The following FAM149A variants were observed in gnomAD, a reference collection of about 807,000 sequenced individuals.
FAM149A encodes family with sequence similarity 149 member A.
FAM149A carries 71 observed loss-of-function variants against 78.2 expected under a neutral mutation model. The ratio of observed to expected loss-of-function variants is 0.91; its 90% CI spans 0.75 to 1.11. The LOEUF (loss-of-function observed/expected upper bound fraction) is 1.11. FAM149A is among the 50% of genes least tolerant of loss of function. The probability of loss-of-function intolerance (pLI) is 0.00; values close to 1 mark genes in which losing one functional copy is unlikely to be tolerated. For synonymous variants in FAM149A, 446 were observed against 410.5 expected (o/e 1.09, Z -1.04); for missense variants, 1,036 against 971.0 (o/e 1.07, Z -0.89).
rs138151397 is a variant in FAM149A, at chr4:186,157,661, C to T, written c.1517C>T (p.Pro506Leu). ...CACGCCGATGGAGCCAGTGGCCCCC[C>T]GTCCGGACACGCCGAGGCTCACGGC... The change falls in exon 8 of 14, where the codon CCG (proline) becomes CTG (leucine). Residue 506 changes from proline to leucine, a missense_variant. Around this residue, in one of 3 missense-constraint regions of FAM149A, gnomAD observed 716 missense variants for 711.8 expected, o/e 1.01. Coordinates refer to ENST00000389354, the MANE Select transcript of FAM149A (RefSeq NM_001367768.3). The T allele has an allele frequency of 6.9e-5, 111 of 1,613,970 alleles. No homozygotes were observed. Among genetic ancestry groups the T allele is most frequent in the South Asian group, 3.1e-4 (28 of 91,066 alleles).
intron 1 of FAM149A, chr4:186,126,901 A>G: frequency 1.0e-6 from 1 of 985,334 alleles, no homozygotes; most frequent in Non-Finnish European, 1.2e-6. Context: ...TGCTCTTTAT[A>G]AATGGGCGGT....
chr4:186,139,819 G>T (rs1464367590), intron 1 of FAM149A, among the ~76,000 whole-genome samples: 1 of 152,126 alleles, frequency 6.6e-6, no homozygotes, highest in Admixed American at 6.5e-5. Flanking sequence ...GTTTGTATTT[G>T]CAAAGCAAGG....
At chr4:186,131,683 A>G (rs1258044464) in intron 1 of FAM149A, among the ~76,000 whole-genome samples, 6 of 152,232 alleles carry the variant, frequency 3.9e-5, no homozygotes, top group Admixed American at 1.3e-4. Flanking sequence ...TACACATACA[A>G]AACAATTTCA....
At chr4:186,137,001 TCTC>T (rs1561396576) in intron 1 of FAM149A, among the ~76,000 whole-genome samples, 1 of 142,898 alleles carries the variant, frequency 7.0e-6, no homozygotes, top group African/African-American at 2.6e-5. Flanking sequence ...TCTCTCTCTC[TCTC>T]TCTCTCTCTC....
intron 1 of FAM149A, chr4:186,110,199 T>C: frequency 1.0e-6 from 1 of 985,430 alleles, no homozygotes; most frequent in Non-Finnish European, 1.2e-6. Flanking sequence ...TATAATCCAC[T>C]GTCATGGGTT....
chr4:186,117,348 A>C, intron 1 of FAM149A: 9 of 795,120 alleles, frequency 1.1e-5, no homozygotes, highest in Non-Finnish European at 1.4e-5. Flanking sequence ...ATTTTTGAGT[A>C]ATTAGGGAAA....
chr4:186,172,125 A>G lies in FAM149A; in HGVS notation c.*138A>G, dbSNP rs1312726346. ...TAGACCGAGAGAAAAGCAAACAAAT[A>G]AATCACTTAATCTTGAACACTTTGC... On this transcript the variant is annotated 3_prime_UTR_variant, in exon 14 of 14. Transcript: ENST00000389354. 2.3e-6 allele frequency: 3 copies of G among 1,296,358 alleles called. No homozygotes were observed. The highest frequency in any genetic ancestry group is 3.1e-6 in the Non-Finnish European group (3 of 977,138). The allele number at this position is 1,296,358 out of a possible 1,614,324, so 80.3% of individuals were successfully genotyped here.
intron 8 of FAM149A, chr4:186,157,951 T>G: frequency 1.3e-6 from 2 of 1,524,096 alleles, no homozygotes; most frequent in Non-Finnish European, 1.8e-6. Context: ...CTCAAGTTCC[T>G]TGCGGTAGGA....
chr4:186,125,099 G>A (rs1055475224), intron 1 of FAM149A: 9 of 201,922 alleles, frequency 4.5e-5, no homozygotes, highest in Non-Finnish European at 7.0e-5. Flanking sequence ...TTGCCCACTT[G>A]TTGATGGGCT....
In FAM149A at chr4:186,148,295, T is replaced by A. The variant is rs182894679; in HGVS notation, c.567-878T>A. 1.8e-3 allele frequency among the ~76,000 whole-genome samples: 274 copies of A among 152,316 alleles called. 1 individual carries two copies. The highest frequency in any genetic ancestry group is 3.4e-3 in the Middle Eastern group (1 of 294). On this transcript the variant is annotated intron_variant, in intron 1 of 13. Coordinates refer to ENST00000389354, the MANE Select transcript of FAM149A (RefSeq NM_001367768.3). Reference sequence around the variant, plus strand: ...TGAGCTGAGATCAATTAGGTAGCCTTATAATCGAAAGCAAAAGCAAACTTT... The same window carrying A: ...TGAGCTGAGATCAATTAGGTAGCCTAATAATCGAAAGCAAAAGCAAACTTT...
chr4:186,128,490 AAG>A (rs1295552050), intron 1 of FAM149A, among the ~76,000 whole-genome samples: 3 of 151,846 alleles, frequency 2.0e-5, no homozygotes, highest in African/African-American at 7.3e-5. Flanking sequence ...AAAAACCAAA[AAG>A]AGCAACGGAA....
At chr4:186,148,318 T>C (rs900186906) in intron 1 of FAM149A, among the ~76,000 whole-genome samples, 1 of 152,196 alleles carries the variant, frequency 6.6e-6, no homozygotes, top group African/African-American at 2.4e-5. Context: ...AAAAGCAAAC[T>C]TTTTAAAAAT....
chr4:186,109,062 T>G (rs1339047693), intron 1 of FAM149A: 3 of 252,328 alleles, frequency 1.2e-5, no homozygotes, highest in African/African-American at 6.9e-5. Context: ...TTAGCCAGGA[T>G]GGTCTCGATC....
chr4:186,134,526 G>C (rs1423229456), intron 1 of FAM149A, among the ~76,000 whole-genome samples: 1 of 152,120 alleles, frequency 6.6e-6, no homozygotes, highest in Admixed American at 6.5e-5. Flanking sequence ...GAGAGCCCTG[G>C]ATCACCAAGT....
chr4:186,118,907 T>C (rs868391134), intron 1 of FAM149A, among the ~76,000 whole-genome samples: 4 of 152,220 alleles, frequency 2.6e-5, no homozygotes, highest in African/African-American at 9.6e-5. Flanking sequence ...TGTTTTGTTT[T>C]CTTTTGACAT....
At position 186,158,131 on chromosome 4, in the gene FAM149A, C is replaced by T. The variant is rs1561411716; in HGVS notation, c.1575+412C>T. ...CCCTGCTGAGGTCCCTGTCTTGCTC[C>T]AGGAACACTGGCCGGCAGGCTGTGC... On this transcript the variant is annotated intron_variant, in intron 8 of 13. Transcript: ENST00000389354. 46 of 1,298,072 alleles carry T rather than the reference C, an allele frequency of 3.5e-5. No individual in the cohort carries two copies. The South Asian group carries it at 4.9e-4, about 14-fold the overall frequency. 80.4% of individuals were successfully genotyped at this position (1,298,072 alleles called of 1,614,324 possible). A position where few individuals can be genotyped will look rare whatever the true frequency, so the allele number is the denominator to read the frequency against.
rs571129285 is a variant in FAM149A at position 186,169,666 on chromosome 4, G to A, written c.2219-2248G>A. ...AGAGTGGATTCATGGTGACACCTTCGGCATATCACTCACTGCTTTCTGGAA... is the reference window on the plus strand; with the variant it reads ...AGAGTGGATTCATGGTGACACCTTCAGCATATCACTCACTGCTTTCTGGAA... On this transcript the variant is annotated intron_variant, in intron 13 of 13. Coordinates refer to ENST00000389354, the MANE Select transcript of FAM149A (RefSeq NM_001367768.3). 173 of 985,342 alleles carry A rather than the reference G, an allele frequency of 1.8e-4. No homozygotes were observed. In the South Asian group the frequency reaches 3.4e-3, roughly 20 times the overall value. The allele number at this position is 985,342 out of a possible 1,614,324, so 61.0% of individuals were successfully genotyped here. A position where few individuals can be genotyped will look rare whatever the true frequency, so the allele number is the denominator to read the frequency against.
At chr4:186,167,121 T>G (rs774502147) in intron 12 of FAM149A, 25 bp downstream of exon 12, 20 of 1,602,952 alleles carry the variant, frequency 1.2e-5, no homozygotes, top group Middle Eastern at 1.7e-4. Flanking sequence ...TCCTGTAACT[T>G]TAATTTTGAA....
intron 1 of FAM149A, chr4:186,132,288 A>T: frequency 2.3e-6 from 2 of 854,472 alleles, no homozygotes; most frequent in Non-Finnish European, 2.8e-6. Context: ...GAAATCAATG[A>T]AATTGATTTA....
Sources: allele counts gnomAD v4.1 joint callset (sites outside exome capture counted in the v4.1 genomes callset), GRCh38; gene constraint gnomAD v4.1.1; regional missense constraint gnomAD v4.1.1; transcripts MANE v1.5; gene names NCBI Gene and HGNC (gene_info 2026-07-23, HGNC 2026-07-21).